Variants in MRPS16 observed in about 807,000 individuals in gnomAD.
MRPS16 encodes small ribosomal subunit protein bS16m.
MRPS16 carries 5 observed loss-of-function variants against 11.0 expected under a neutral mutation model. The observed-to-expected ratio is 0.46, with a 90% CI of 0.24 to 0.96. The LOEUF (loss-of-function observed/expected upper bound fraction) is 0.96, where lower values mean the gene tolerates loss of function less well. Ranked by LOEUF, MRPS16 falls within the 40% of genes least tolerant of loss-of-function variation. The pLI, the probability that MRPS16 is intolerant of heterozygous loss-of-function variation, is 0.20. For missense variants in MRPS16, 179 were observed against 174.4 expected (o/e 1.03, Z -0.15); for synonymous variants, 76 against 65.0 (o/e 1.17, Z -0.81).
At position 73,251,940 on chromosome 10, in the gene MRPS16, G is replaced by T. The variant is rs1197029665; in HGVS notation, c.97C>A (p.Arg33Ser). The change falls in exon 2 of 3, where the codon CGC becomes AGC. Residue 33 changes from arginine to serine, a missense_variant. Arg to Ser is a moderately radical substitution (Grantham distance 110). Coordinates refer to ENST00000372945, the MANE Select transcript of MRPS16 (RefSeq NM_016065.4). The stretch of plus-strand genomic sequence containing the variant: ...CACTTGTTGTGAGCAGCCACAATGC[G>T]GTAGAACGGCCGATTGGTGCAGCCA... ...LGGCTNRPFYRIVAAHNKCPR... is the reference protein window; with the variant it reads ...LGGCTNRPFYSIVAAHNKCPR... 6.2e-7 allele frequency: 1 copy of T among 1,614,202 alleles called. No individual in the cohort carries two copies. Among genetic ancestry groups the T allele is most frequent in the Admixed American group, 1.7e-5 (1 of 60,020 alleles).
At chr10:73,252,053 A>G (rs766441293) in intron 1 of MRPS16, 30 bp from the exon 2 acceptor site, 2 of 1,603,298 alleles carry the variant, frequency 1.2e-6, no homozygotes, top group Non-Finnish European at 1.7e-6. Flanking sequence ...TAGGACACAA[A>G]AAACAGCACA....
At chr10:73,251,208 G>A (rs1430271429) in intron 2 of MRPS16, among the ~76,000 whole-genome samples, 5 of 152,026 alleles carry the variant, frequency 3.3e-5, no homozygotes, top group African/African-American at 1.2e-4. Context: ...AACGTAAACT[G>A]ACAGATGGCC....
chr10:73,250,867 CTCTGTATCTGTAGCT>C lies in MRPS16; in HGVS notation c.384_398del (p.Ala129_Glu133del), dbSNP rs775399557. ...GTCAGCTCATTTATGTTTCTGTAGCCTCTGTATCTGTAGCTTCTGCATCTGTTTTCTGAGAAGCTA... is the reference window on the plus strand; with the variant it reads ...GTCAGCTCATTTATGTTTCTGTAGCCTCTGCATCTGTTTTCTGAGAAGCTA... On this transcript the variant is annotated inframe_deletion, in exon 3 of 3. Transcript: ENST00000372945. The C allele has an allele frequency of 2.5e-6, 4 of 1,614,070 alleles. No individual in the cohort carries two copies. The highest frequency in any genetic ancestry group is 1.7e-4 in the Middle Eastern group (1 of 6,014).
At position 73,249,461 on chromosome 10, in the gene MRPS16, C is replaced by T. The variant is rs139703406; in HGVS notation, c.*1391G>A. 1.2e-4 allele frequency: 96 copies of T among 770,794 alleles called. No individual in the cohort carries two copies. In the Middle Eastern group the frequency reaches 2.7e-3, roughly 21 times the overall value. The allele number at this position is 770,794 out of a possible 1,614,324, so 47.7% of individuals were successfully genotyped here. ...GATACAAGAAGTAAAATGCAACACT[C>T]ATTACAGGTTGTCAACATTATTGGT... On this transcript the variant is annotated 3_prime_UTR_variant, in exon 3 of 3. Coordinates refer to ENST00000372945, the MANE Select transcript of MRPS16 (RefSeq NM_016065.4).
chr10:73,249,091 T>G lies in MRPS16; in HGVS notation c.*1761A>C. On this transcript the variant is annotated 3_prime_UTR_variant, in exon 3 of 3. Coordinates refer to ENST00000372945, the MANE Select transcript of MRPS16 (RefSeq NM_016065.4). ...GCAACACCACAGCCAGCTAATTTTT[T>G]AAGTTTTTGTAGAGACGGGGTCTTG... 3.3e-6 allele frequency: 2 copies of G among 603,942 alleles called. No homozygotes were observed. The highest frequency in any genetic ancestry group is 6.0e-6 in the Non-Finnish European group (2 of 331,406). The allele number at this position is 603,942 out of a possible 1,614,324, so 37.4% of individuals were successfully genotyped here. A position where few individuals can be genotyped will look rare whatever the true frequency, so the allele number is the denominator to read the frequency against.
chr10:73,251,774 T>A lies in MRPS16; in HGVS notation c.263A>T (p.Glu88Val). ...GCGAHLSKPM[E>V]KLLGLAGFFP... ...CAGAGCTGAGTTACCCAGAAGCTTT[T>A]CCATAGGCTTAGAGAGGTGGGCCCC... Residue 88 changes from glutamate to valine, a missense_variant, in exon 2 of 3, where the codon GAA becomes GTA. Transcript: ENST00000372945. 1.9e-6 allele frequency: 3 copies of A among 1,614,166 alleles called. No homozygotes were observed. Among genetic ancestry groups the A allele is most frequent in the Non-Finnish European group, 2.5e-6 (3 of 1,180,022 alleles).
chr10:73,251,999 C>T lies in MRPS16; in HGVS notation c.38G>A (p.Arg13His), dbSNP rs766669461. 8.1e-6 allele frequency: 13 copies of T among 1,614,034 alleles called. No individual in the cohort carries two copies. Among genetic ancestry groups the T allele is most frequent in the Middle Eastern group, 1.6e-4 (1 of 6,062 alleles). ...HLTTLLCKAY[R>H]GGHLTIRLAL... ...AAGGCGGATGGTTAAGTGGCCCCCA[C>T]GGTAGGCCTTGCAGAGGAGAGTAGC... The change falls in exon 2 of 3, where the codon CGT becomes CAT. Residue 13 changes from arginine to histidine, a missense_variant. Physicochemically the swap from Arg to His is conservative, Grantham distance 29. Transcript: ENST00000372945.
At position 73,249,017 on chromosome 10, in the gene MRPS16, C is replaced by A; in HGVS notation, c.*1835G>T. On this transcript the variant is annotated 3_prime_UTR_variant, in exon 3 of 3. Transcript: ENST00000372945. ...CACTGCAGCATCGGCCTCCTGGGCT[C>A]AAGTGATCTTACTGCCTCAGCTTCC... 1 of 591,336 alleles carries A rather than the reference C, an allele frequency of 1.7e-6. No individual in the cohort carries two copies. The highest frequency in any genetic ancestry group is 3.2e-6 in the Non-Finnish European group (1 of 309,226). The allele number at this position is 591,336 out of a possible 1,614,324, so 36.6% of individuals were successfully genotyped here.
At position 73,249,922 on chromosome 10, in the gene MRPS16, A is replaced by C. The variant is rs1326522411; in HGVS notation, c.*930T>G. ...ACCCCATCTCTACTAAAAATACAAA[A>C]ATTTGCCCGGGCGGTGGCTCACGCC... On this transcript the variant is annotated 3_prime_UTR_variant, in exon 3 of 3. Transcript: ENST00000372945. 1 of 151,158 alleles carries C rather than the reference A, an allele frequency of 6.6e-6. No individual in the cohort carries two copies. Among genetic ancestry groups the C allele is most frequent in the Non-Finnish European group, 1.5e-5 (1 of 67,450 alleles). 9.4% of individuals were successfully genotyped at this position (151,158 alleles called of 1,614,324 possible). A position where few individuals can be genotyped will look rare whatever the true frequency, so the allele number is the denominator to read the frequency against.
intron 1 of MRPS16, 68 bp downstream of exon 1, chr10:73,252,402 C>G: frequency 6.2e-7 from 1 of 1,603,258 alleles, no homozygotes; most frequent in Non-Finnish European, 8.5e-7. Flanking sequence ...GAGAGCTCTC[C>G]CCACCCGGCC....
Position 73,248,898 on chromosome 10 carries a change from A to C in MRPS16, c.*1954T>G, listed in dbSNP as rs951761867. The C allele has an allele frequency of 2.6e-6, 1 of 389,146 alleles. No individual in the cohort carries two copies. The highest frequency in any genetic ancestry group is 2.1e-5 in the African/African-American group (1 of 47,218). 24.1% of individuals were successfully genotyped at this position (389,146 alleles called of 1,614,324 possible). On this transcript the variant is annotated 3_prime_UTR_variant, in exon 3 of 3. Transcript: ENST00000372945. ...TGCAACTCAAATTTTCAAAAACCAG[A>C]AAATCAAATTATTATGCTCTAGCCA...
chr10:73,250,762 A>C lies in MRPS16; in HGVS notation c.*90T>G. 6.5e-7 allele frequency: 1 copy of C among 1,543,952 alleles called. No homozygotes were observed. Among genetic ancestry groups the C allele is most frequent in the Non-Finnish European group, 8.9e-7 (1 of 1,128,154 alleles). ...CAACTCAGGATACTCCATTTATTGA[A>C]CTCCAAATCTAACAAAATTAAGATC... is the stretch of plus-strand genomic sequence containing the variant. On this transcript the variant is annotated 3_prime_UTR_variant, in exon 3 of 3. Transcript: ENST00000372945.
At chr10:73,251,096 G>GT in intron 2 of MRPS16, 105 bp from the exon 3 acceptor site, 10 of 1,355,704 alleles carry the variant, frequency 7.4e-6, no homozygotes, top group Non-Finnish European at 8.3e-6. Context: ...CCAGTGCATG[G>GT]ATGCAAACCA....
Position 73,250,775 on chromosome 10 carries a change from CA to C in MRPS16, c.*76del, listed in dbSNP as rs2044078747. 2 of 1,580,288 alleles carry C rather than the reference CA, an allele frequency of 1.3e-6. No homozygotes were observed. The highest frequency in any genetic ancestry group is 1.7e-6 in the Non-Finnish European group (2 of 1,158,488). On this transcript the variant is annotated 3_prime_UTR_variant, in exon 3 of 3. Transcript: ENST00000372945. The stretch of plus-strand genomic sequence containing the variant: ...TCCATTTATTGAACTCCAAATCTAA[CA>C]AAATTAAGATCGCTGCAGTGTTTCA...
Position 73,252,601 on chromosome 10 carries a change from C to T in MRPS16, c.-119G>A, listed in dbSNP as rs1468941306. ...CCTGCAAGCCGACACCAGGCCGCAC[C>T]GCCAAGCGGTACAAGCCCGAAAACC... On this transcript the variant is annotated 5_prime_UTR_variant, in exon 1 of 3. Coordinates refer to ENST00000372945, the MANE Select transcript of MRPS16 (RefSeq NM_016065.4). 1.1e-5 allele frequency: 16 copies of T among 1,453,636 alleles called. No homozygotes were observed. The highest frequency in any genetic ancestry group is 1.2e-5 in the Non-Finnish European group (13 of 1,071,670). The allele number at this position is 1,453,636 out of a possible 1,614,324, so 90.0% of individuals were successfully genotyped here.
Position 73,252,639 on chromosome 10 carries a change from G to A in MRPS16, c.-157C>T, listed in dbSNP as rs926286061. 12 of 1,049,146 alleles carry A rather than the reference G, an allele frequency of 1.1e-5. No individual in the cohort carries two copies. The highest frequency in any genetic ancestry group is 1.7e-5 in the Non-Finnish European group (12 of 714,308). The allele number at this position is 1,049,146 out of a possible 1,614,324, so 65.0% of individuals were successfully genotyped here. A position where few individuals can be genotyped will look rare whatever the true frequency, so the allele number is the denominator to read the frequency against. On this transcript the variant is annotated 5_prime_UTR_variant, in exon 1 of 3. Transcript: ENST00000372945. ...AAGCCCGAAAACCTCGACTCCGGAAGCGGATGATCCGCTCGCCACGCCTCC... is the reference window on the plus strand; with the variant it reads ...AAGCCCGAAAACCTCGACTCCGGAAACGGATGATCCGCTCGCCACGCCTCC...
In MRPS16 at chr10:73,249,873, G is replaced by C. The variant is rs112218454; in HGVS notation, c.*979C>G. Reference sequence around the variant, plus strand: ...TGGGCAGATCACAAGGTCAGATTGAGACCATCCTGGCCAACACGGTGAAAC... The same window carrying C: ...TGGGCAGATCACAAGGTCAGATTGACACCATCCTGGCCAACACGGTGAAAC... On this transcript the variant is annotated 3_prime_UTR_variant, in exon 3 of 3. Transcript: ENST00000372945. 1.6e-3 allele frequency: 249 copies of C among 152,610 alleles called. 1 individual carries two copies. Among genetic ancestry groups the C allele is most frequent in the Non-Finnish European group, 2.7e-3 (187 of 68,312 alleles). 9.5% of individuals were successfully genotyped at this position (152,610 alleles called of 1,614,324 possible).
In MRPS16 at chr10:73,249,559, A is replaced by G. The variant is rs905795529; in HGVS notation, c.*1293T>C. 2.0e-5 allele frequency: 10 copies of G among 503,056 alleles called. No homozygotes were observed. The Admixed American group carries it at 2.9e-4, about 14-fold the overall frequency. The allele number at this position is 503,056 out of a possible 1,614,324, so 31.2% of individuals were successfully genotyped here. A position where few individuals can be genotyped will look rare whatever the true frequency, so the allele number is the denominator to read the frequency against. The stretch of plus-strand genomic sequence containing the variant: ...AATTACCAGCAAGAAAGAAAAGTAC[A>G]AGAATAAGGTTCACAGCTGAATTGG... On this transcript the variant is annotated 3_prime_UTR_variant, in exon 3 of 3. Transcript: ENST00000372945.
In MRPS16 at chr10:73,251,814, G is replaced by T. The variant is rs754898974; in HGVS notation, c.223C>A (p.His75Asn). 6.2e-7 allele frequency: 1 copy of T among 1,614,202 alleles called. No homozygotes were observed. Among genetic ancestry groups the T allele is most frequent in the South Asian group, 1.1e-5 (1 of 91,084 alleles). The change falls in exon 2 of 3, where the codon CAT (histidine) becomes AAT (asparagine). Residue 75 changes from histidine (H) to asparagine (N), a missense_variant. His to Asn is a moderately conservative substitution (Grantham distance 68, BLOSUM62 1). Coordinates refer to ENST00000372945, the MANE Select transcript of MRPS16 (RefSeq NM_016065.4). ...AGGTGGGCCCCGCAGCCAATCCAAT[G>T]ACGGATCCTGTCTAGGTTGAGGGCA... ...LVALNLDRIR[H>N]WIGCGAHLSK...
Sources: allele counts gnomAD v4.1 joint callset (sites outside exome capture counted in the v4.1 genomes callset), GRCh38; gene constraint gnomAD v4.1.1; transcripts MANE v1.5; gene names NCBI Gene and HGNC (gene_info 2026-07-23, HGNC 2026-07-21).